Variants in RUNX2 observed in about 807,000 individuals in gnomAD.
The protein encoded by RUNX2 is RUNX family transcription factor 2.
RUNX2 carries 10 observed loss-of-function variants against 51.7 expected under a neutral mutation model. The observed-to-expected ratio is 0.19, with a 90% CI of 0.12 to 0.33. The LOEUF (loss-of-function observed/expected upper bound fraction) is 0.33, where lower values mean the gene tolerates loss of function less well. Among genes scored for constraint, RUNX2 ranks in the 10% least tolerant of loss-of-function variants. The pLI is 1.00. For synonymous variants in RUNX2, 276 were observed against 273.6 expected (o/e 1.01, Z -0.09); for missense variants, 562 against 691.3 (o/e 0.81, Z 2.10).
intron 2 of RUNX2, among the ~76,000 whole-genome samples, chr6:45,393,103 CT>C (rs1563066010): frequency 6.6e-6 from 1 of 152,094 alleles, no homozygotes; most frequent in Admixed American, 6.5e-5. Flanking sequence ...ACATGGCATT[CT>C]TTTTTTCTCA....
chr6:45,525,973 CAG>C (rs891683872), intron 7 of RUNX2, among the ~76,000 whole-genome samples: 1 of 150,914 alleles, frequency 6.6e-6, no homozygotes, highest in Admixed American at 6.6e-5. Context: ...GCCTGGGTGA[CAG>C]AGACTCTGTC....
chr6:45,516,516 T>A (rs903289380), intron 7 of RUNX2, among the ~76,000 whole-genome samples: 1 of 152,230 alleles, frequency 6.6e-6, no homozygotes, highest in Admixed American at 6.5e-5. Context: ...TTGATACATA[T>A]GGCCTCATCA....
intron 2 of RUNX2, among the ~76,000 whole-genome samples, chr6:45,348,095 T>C (rs955989897): frequency 3.9e-5 from 6 of 152,092 alleles, no homozygotes; most frequent in African/African-American, 1.4e-4. Flanking sequence ...TAGCTTATAG[T>C]TTTTACGTTA....
intron 2 of RUNX2, among the ~76,000 whole-genome samples, chr6:45,399,481 T>C (rs1797656195): frequency 6.9e-6 from 1 of 145,970 alleles, no homozygotes; most frequent in African/African-American, 2.5e-5. Context: ...TGCCTCAGCC[T>C]ACTGAGTAGC....
intron 2 of RUNX2, among the ~76,000 whole-genome samples, chr6:45,402,164 A>G (rs1582074069): frequency 1.3e-5 from 2 of 152,340 alleles, no homozygotes; most frequent in Admixed American, 1.3e-4. Context: ...TTCACTTTCT[A>G]AAAATAATTT....
chr6:45,446,485 C>G (rs1041683874), intron 5 of RUNX2, among the ~76,000 whole-genome samples: 5 of 151,536 alleles, frequency 3.3e-5, no homozygotes, highest in East Asian at 1.9e-4. Context: ...TCCCCTCCCC[C>G]CCTTTTTTTG....
chr6:45,533,908 T>A (rs1323097072), intron 7 of RUNX2, among the ~76,000 whole-genome samples: 3 of 103,446 alleles, frequency 2.9e-5, no homozygotes, highest in African/African-American at 9.6e-5. Context: ...TTTTTTTTTT[T>A]TTTGGAGACA....
intron 3 of RUNX2, among the ~76,000 whole-genome samples, chr6:45,423,344 C>T (rs1798283733): frequency 2.0e-5 from 3 of 152,186 alleles, no homozygotes; most frequent in African/African-American, 7.2e-5. Flanking sequence ...CGCCCCTTTC[C>T]CGGGGGCGAG....
At chr6:45,444,443 C>G (rs1005712451) in intron 5 of RUNX2, among the ~76,000 whole-genome samples, 3 of 152,176 alleles carry the variant, frequency 2.0e-5, no homozygotes, top group African/African-American at 7.2e-5. Flanking sequence ...TTCTTGCAAG[C>G]TCAGAGTACA....
intron 2 of RUNX2, among the ~76,000 whole-genome samples, chr6:45,331,116 TGTGTGTGTGTGC>T (rs1483552941): frequency 6.7e-6 from 1 of 149,752 alleles, no homozygotes; most frequent in Admixed American, 6.6e-5. Flanking sequence ...TGTGTGTGTG[TGTGTGTGTGTGC>T]GCGCGCGCGC....
intron 7 of RUNX2, among the ~76,000 whole-genome samples, chr6:45,528,457 C>G (rs1298738089): frequency 6.6e-6 from 1 of 152,038 alleles, no homozygotes; most frequent in Non-Finnish European, 1.5e-5. Flanking sequence ...ACCGTCTCTA[C>G]TAAAAATACA....
At chr6:45,349,643 T>A (rs574620199) in intron 2 of RUNX2, among the ~76,000 whole-genome samples, 1 of 152,344 alleles carries the variant, frequency 6.6e-6, no homozygotes, top group Non-Finnish European at 1.5e-5. Flanking sequence ...TTCATTTTTT[T>A]AAGTCATAGG....
intron 2 of RUNX2, among the ~76,000 whole-genome samples, chr6:45,334,091 C>G (rs1489179422): frequency 6.6e-6 from 1 of 151,234 alleles, no homozygotes; most frequent in Non-Finnish European, 1.5e-5. Context: ...ACTCTTTTAT[C>G]TCTACTATTC....
Position 45,462,410 on chromosome 6 carries a change from G to T in RUNX2, c.685+24359G>T, listed in dbSNP as rs369931322. On this transcript the variant is annotated intron_variant, in intron 5 of 8. Coordinates refer to ENST00000647337, the MANE Select transcript of RUNX2 (RefSeq NM_001024630.4). ...TCTTATGTGTATCTGTGGGAGGGATGTATAAGAAGACCACAGAACATTGTA... is the reference window on the plus strand; with the variant it reads ...TCTTATGTGTATCTGTGGGAGGGATTTATAAGAAGACCACAGAACATTGTA... 2.3e-4 allele frequency among the ~76,000 whole-genome samples: 35 copies of T among 152,308 alleles called. No individual in the cohort carries two copies. The East Asian group carries it at 6.0e-3, about 26-fold the overall frequency.
intron 2 of RUNX2, among the ~76,000 whole-genome samples, chr6:45,335,745 T>C (rs549257128): frequency 6.6e-6 from 1 of 151,356 alleles, no homozygotes; most frequent in African/African-American, 2.4e-5. Context: ...TGAAGTAATC[T>C]ATGAGAAAAC....
At chr6:45,545,341 T>C in intron 8 of RUNX2, 59 bp downstream of exon 8, 2 of 1,519,534 alleles carry the variant, frequency 1.3e-6, no homozygotes, top group Non-Finnish European at 1.8e-6. Flanking sequence ...GCTGTCTGGT[T>C]GTTACTGTCC....
chr6:45,383,007 A>G (rs575823592), intron 2 of RUNX2, among the ~76,000 whole-genome samples: 20 of 152,238 alleles, frequency 1.3e-4, no homozygotes, highest in Admixed American at 5.2e-4. Flanking sequence ...TGATTTGCCT[A>G]CATTAGCTGA....
chr6:45,377,724 T>TC (rs1454441024), intron 2 of RUNX2: 1 of 151,854 alleles, frequency 6.6e-6, no homozygotes, highest in Admixed American at 6.6e-5. Context: ...CTCTGACGTC[T>TC]CCCCCGCCCG....
Position 45,547,114 on chromosome 6 carries a change from G to A in RUNX2, c.1375G>A (p.Val459Met). ...TSSGSYQFPM[V>M]PGGDRSPSRM... ...GTCAGGATCCTATCAGTTTCCCATG[G>A]TGCCGGGGGGAGACCGGTCTCCTTC... The change falls in exon 9 of 9, where the codon GTG becomes ATG. Residue 459 changes from valine (V) to methionine (M), a missense_variant. By Grantham distance (21) the Val-to-Met change is conservative. Coordinates refer to ENST00000647337, the MANE Select transcript of RUNX2 (RefSeq NM_001024630.4). The A allele has an allele frequency of 6.2e-7, 1 of 1,614,006 alleles. No individual in the cohort carries two copies. Among genetic ancestry groups the A allele is most frequent in the African/African-American group, 1.3e-5 (1 of 74,982 alleles).
Sources: allele counts gnomAD v4.1 joint callset (sites outside exome capture counted in the v4.1 genomes callset), GRCh38; gene constraint gnomAD v4.1.1; transcripts MANE v1.5; gene names NCBI Gene and HGNC (gene_info 2026-07-23, HGNC 2026-07-21).